NEK11: variants seen among roughly 807,000 people sequenced by gnomAD.
NEK11 encodes serine/threonine-protein kinase Nek11.
NEK11 carries 72 observed loss-of-function variants against 80.7 expected under a neutral mutation model. That is an observed-to-expected ratio of 0.89 (90% confidence interval 0.74 to 1.08). The LOEUF is 1.08. Among genes scored for constraint, NEK11 ranks in the 50% least tolerant of loss-of-function variants. The pLI, the probability that NEK11 is intolerant of heterozygous loss-of-function variation, is 0.00. For missense variants in NEK11, 764 were observed against 763.6 expected, an observed-to-expected ratio of 1.00 and a Z score of -0.01; for synonymous variants, 251 against 260.7, an observed-to-expected ratio of 0.96 and a Z score of 0.36.
intron 4 of NEK11, among the ~76,000 whole-genome samples, chr3:131,086,232 G>A (rs2075966815): frequency 6.6e-6 from 1 of 152,066 alleles, no homozygotes; most frequent in Non-Finnish European, 1.5e-5. Context: ...TAGTTTGAGA[G>A]TTTTCTATTA....
intron 3 of NEK11, among the ~76,000 whole-genome samples, chr3:131,041,030 C>T (rs991993740): frequency 6.6e-6 from 1 of 152,194 alleles, no homozygotes; most frequent in Non-Finnish European, 1.5e-5. Context: ...TCTTTCTTTG[C>T]TTATGTCTTT....
intron 4 of NEK11, among the ~76,000 whole-genome samples, chr3:131,091,686 C>T (rs1256917365): frequency 6.6e-6 from 1 of 152,134 alleles, no homozygotes; most frequent in Non-Finnish European, 1.5e-5. Flanking sequence ...GGATAAATTC[C>T]TGAAAGGAAT....
intron 4 of NEK11, 131 bp downstream of exon 4, chr3:131,080,719 C>T (rs2075128376): frequency 2.7e-6 from 2 of 731,532 alleles, no homozygotes; most frequent in Admixed American, 3.3e-5. Flanking sequence ...GATCCCATGT[C>T]TTGCAGCTAA....
Position 131,152,386 on chromosome 3 carries a change from A to G in NEK11, c.648-2A>G, listed in dbSNP as rs374446054. On this transcript the variant is annotated splice_acceptor_variant, in intron 7 of 17. Transcript: ENST00000383366. LOFTEE classifies it high-confidence loss of function. ...ATTTAAATTCTTTGACTTTGTCTTC[A>G]GGTCACTGGCATGCATTTTGTATGA... 3.2e-6 allele frequency: 5 copies of G among 1,581,790 alleles called. No individual in the cohort carries two copies. In the African/African-American group the frequency reaches 5.5e-5, roughly 17 times the overall value.
intron 7 of NEK11, among the ~76,000 whole-genome samples, chr3:131,150,794 C>A (rs1464930704): frequency 6.6e-6 from 1 of 151,478 alleles, no homozygotes; most frequent in South Asian, 2.1e-4. Flanking sequence ...CTCTTTATTT[C>A]TTCTTGTACT....
At position 131,300,333 on chromosome 3, in the gene NEK11, T is replaced by G. The variant is rs192218036; in HGVS notation, c.1718+26759T>G. ...ATTTTCTCCCATTCTGTAGGCTGTT[T>G]GTTTACTCTGTTGACATTTTCTTTT... is the stretch of plus-strand genomic sequence containing the variant. On this transcript the variant is annotated intron_variant, in intron 17 of 17. Coordinates refer to ENST00000383366, the MANE Select transcript of NEK11 (RefSeq NM_024800.5). 3.9e-5 allele frequency among the ~76,000 whole-genome samples: 6 copies of G among 152,316 alleles called. No homozygotes were observed. The East Asian group carries it at 1.2e-3, about 29-fold the overall frequency.
At chr3:131,340,322 A>T (rs996447024) in intron 17 of NEK11, among the ~76,000 whole-genome samples, 9 of 152,210 alleles carry the variant, frequency 5.9e-5, no homozygotes, top group Non-Finnish European at 7.3e-5. Context: ...ATTCAAAATT[A>T]AAATAATATT....
intron 14 of NEK11, among the ~76,000 whole-genome samples, chr3:131,201,107 T>C (rs2094209421): frequency 1.3e-5 from 2 of 151,658 alleles, no homozygotes; most frequent in Non-Finnish European, 2.9e-5. Context: ...AAGCAAGATA[T>C]GAAAGATTCC....
At chr3:131,162,572 C>T (rs1264369573) in intron 11 of NEK11, 45 bp downstream of exon 11, 1 of 1,598,292 alleles carries the variant, frequency 6.3e-7, no homozygotes, top group East Asian at 2.2e-5. Context: ...GACTACTTCT[C>T]AGGGCTCTCA....
At chr3:131,289,263 A>C (rs2096517449) in intron 17 of NEK11, among the ~76,000 whole-genome samples, 1 of 152,132 alleles carries the variant, frequency 6.6e-6, no homozygotes, top group African/African-American at 2.4e-5. Context: ...TTATAAGGAC[A>C]CCAGTCAGAT....
chr3:131,073,553 A>G (rs2073813683), intron 3 of NEK11, among the ~76,000 whole-genome samples: 1 of 152,216 alleles, frequency 6.6e-6, no homozygotes, highest in Admixed American at 6.5e-5. Flanking sequence ...AAATATTTGT[A>G]AACAAAATCA....
intron 14 of NEK11, among the ~76,000 whole-genome samples, chr3:131,186,788 T>C (rs1203467687): frequency 6.6e-6 from 1 of 152,212 alleles, no homozygotes; most frequent in Non-Finnish European, 1.5e-5. Context: ...TTGGTAGGCA[T>C]AACCATGACT....
intron 15 of NEK11, among the ~76,000 whole-genome samples, chr3:131,241,793 T>A (rs2095523177): frequency 6.6e-6 from 1 of 152,120 alleles, no homozygotes; most frequent in Non-Finnish European, 1.5e-5. Flanking sequence ...ATATATAGTA[T>A]GATCTGAAAT....
intron 4 of NEK11, among the ~76,000 whole-genome samples, chr3:131,095,113 A>C (rs1475072912): frequency 6.6e-6 from 1 of 152,136 alleles, no homozygotes; most frequent in Non-Finnish European, 1.5e-5. Context: ...ACTTGGATCA[A>C]TCTTATGGAG....
chr3:131,267,305 A>T (rs1468606976), intron 16 of NEK11, among the ~76,000 whole-genome samples: 1 of 152,186 alleles, frequency 6.6e-6, no homozygotes, highest in East Asian at 1.9e-4. Flanking sequence ...ACAATTTAGC[A>T]TGTTTTTGCA....
At chr3:131,266,142 T>C (rs1211840187) in intron 16 of NEK11, among the ~76,000 whole-genome samples, 1 of 152,092 alleles carries the variant, frequency 6.6e-6, no homozygotes, top group Non-Finnish European at 1.5e-5. Flanking sequence ...TATATCTATT[T>C]TGTTGTCAGT....
intron 14 of NEK11, among the ~76,000 whole-genome samples, chr3:131,199,464 A>G (rs2094147614): frequency 6.6e-6 from 1 of 152,164 alleles, no homozygotes; most frequent in Admixed American, 6.5e-5. Flanking sequence ...ACTTTTATAC[A>G]TTGTTGGTAA....
At chr3:131,037,228 A>AT (rs1433221454) in intron 3 of NEK11, among the ~76,000 whole-genome samples, 1 of 21,682 alleles carries the variant, frequency 4.6e-5, no homozygotes, top group East Asian at 3.2e-4. Context: ...CAATGGAAGC[A>AT]TTTTTTGTGA....
At chr3:131,278,438 T>C (rs2096338144) in intron 17 of NEK11, among the ~76,000 whole-genome samples, 1 of 152,212 alleles carries the variant, frequency 6.6e-6, no homozygotes, top group Non-Finnish European at 1.5e-5. Flanking sequence ...AATTGATGGA[T>C]AGGTAGGTGG....
Sources: gnomAD v4.1 joint callset for allele counts (sites outside exome capture counted in the v4.1 genomes callset) on GRCh38, gnomAD v4.1.1 for gene constraint, MANE v1.5 for transcripts, NCBI Gene and HGNC (gene_info 2026-07-23, HGNC 2026-07-21) for gene names.